ATP13A3: variants seen among roughly 807,000 people sequenced by gnomAD.
The protein encoded by ATP13A3 is polyamine-transporting ATPase 13A3.
ATP13A3 carries 59 observed loss-of-function variants against 158.1 expected under a neutral mutation model. The observed-to-expected ratio is 0.37, with a 90% CI of 0.30 to 0.46. ATP13A3 has a LOEUF of 0.46. Ranked by LOEUF, ATP13A3 falls within the 20% of genes least tolerant of loss-of-function variation. ATP13A3 has a pLI of 1.00. For missense variants in ATP13A3, 1,166 were observed against 1,525.2 expected (o/e 0.76, Z 3.92); for synonymous variants, 491 against 504.3 (o/e 0.97, Z 0.35).
At chr3:194,438,387 A>T (rs1357876582) in intron 17 of ATP13A3, among the ~76,000 whole-genome samples, 2 of 152,240 alleles carry the variant, frequency 1.3e-5, no homozygotes, top group African/African-American at 4.8e-5. Context: ...CTAAAAGTAA[A>T]GCCTTTCATA....
In ATP13A3 at chr3:194,454,849, A is replaced by C. The variant is rs148434683; in HGVS notation, c.631-457T>G. ...AAAAAAAAAAAAAAAAGGTAGGGCAATATGCCATCATACTCTTATTATCAT... is the reference window on the plus strand; with the variant it reads ...AAAAAAAAAAAAAAAAGGTAGGGCACTATGCCATCATACTCTTATTATCAT... On this transcript the variant is annotated intron_variant, in intron 8 of 33. Coordinates refer to ENST00000645319, the MANE Select transcript of ATP13A3 (RefSeq NM_001367549.1). Among the ~76,000 whole-genome samples, 1,145 of 152,168 alleles carry C rather than the reference A, an allele frequency of 7.5e-3. 15 individuals carry two copies. Among genetic ancestry groups the C allele is most frequent in the African/African-American group, 0.026 (1,082 of 41,514 alleles).
intron 31 of ATP13A3, 140 bp downstream of exon 31, chr3:194,419,739 T>G: frequency 7.5e-7 from 1 of 1,333,330 alleles, no homozygotes; most frequent in Non-Finnish European, 9.8e-7. Flanking sequence ...CTATTTTCAT[T>G]AGGTTCTTTA....
At chr3:194,454,152 T>C (rs1162963895) in intron 9 of ATP13A3, 106 bp downstream of exon 9, 1 of 1,133,158 alleles carries the variant, frequency 8.8e-7, no homozygotes, top group African/African-American at 1.6e-5. Flanking sequence ...ACTAAAATAA[T>C]GACTGCATTG....
chr3:194,421,357 T>G (rs1309062787), intron 30 of ATP13A3, among the ~76,000 whole-genome samples: 2 of 147,520 alleles, frequency 1.4e-5, no homozygotes, highest in Non-Finnish European at 1.5e-5. Flanking sequence ...AACGAGACCA[T>G]CCTGGCTAAC....
At chr3:194,490,014 A>G (rs372163074), upstream of ATP13A3, among the ~76,000 whole-genome samples, 51 of 152,272 alleles carry the variant, frequency 3.3e-4, no homozygotes, top group East Asian at 5.4e-3. This position sits in a 1 kb window ranked among gnomAD's most constrained non-coding sequence, Gnocchi z 4.4. Context: ...TGTAAGCACC[A>G]ACCCTGATTG....
intron 13 of ATP13A3, among the ~76,000 whole-genome samples, chr3:194,447,424 C>G (rs547828248): frequency 6.6e-6 from 1 of 152,310 alleles, no homozygotes; most frequent in South Asian, 2.1e-4. Flanking sequence ...GATATTGACT[C>G]AGCGTGCACA....
intron 20 of ATP13A3, among the ~76,000 whole-genome samples, chr3:194,435,653 A>G (rs1717576248): frequency 6.6e-6 from 1 of 152,220 alleles, no homozygotes; most frequent in Non-Finnish European, 1.5e-5. Context: ...TCACGCCTGT[A>G]ATCCCAGTAC....
Position 194,425,451 on chromosome 3 carries a change from T to C in ATP13A3, c.3204A>G (p.Ile1068Met), listed in dbSNP as rs1166408330. 1 of 1,612,840 alleles carries C rather than the reference T, an allele frequency of 6.2e-7. No homozygotes were observed. The change falls in exon 30 of 34, where the codon ATA (isoleucine) becomes ATG (methionine). Residue 1068 changes from isoleucine to methionine, a missense_variant. Physicochemically the swap from Ile to Met is conservative, Grantham distance 10. Around this residue, in one of 3 missense-constraint regions of ATP13A3, gnomAD observed 997 missense variants for 1,341.2 expected, o/e 0.74. Coordinates refer to ENST00000645319, the MANE Select transcript of ATP13A3 (RefSeq NM_001367549.1). ...DNETELDEHN[I>M]QNYENTTVFF... is the part of the protein sequence containing the mutation. The stretch of plus-strand genomic sequence containing the variant: ...ACACTGTGGTATTTTCATAATTTTG[T>C]ATATTATGTTCATCAAGTTCGGTTT...
At chr3:194,418,577 T>G (rs1716061279) in intron 31 of ATP13A3, among the ~76,000 whole-genome samples, 1 of 152,022 alleles carries the variant, frequency 6.6e-6, no homozygotes, top group Admixed American at 6.5e-5. Flanking sequence ...AATGCTCAAC[T>G]CCATTAGTAA....
intron 10 of ATP13A3, chr3:194,451,077 C>G (rs917228363): frequency 2.0e-5 from 3 of 152,146 alleles, no homozygotes; most frequent in African/African-American, 7.2e-5. Flanking sequence ...GCTCAGAAGA[C>G]AGTCACACTA....
In ATP13A3 at chr3:194,424,390, T is replaced by C. The variant is rs554749619; in HGVS notation, c.3313+952A>G. 4 of 152,116 alleles carry C rather than the reference T, an allele frequency of 2.6e-5. No homozygotes were observed. The South Asian group carries it at 8.3e-4, about 32-fold the overall frequency. The allele number at this position is 152,116 out of a possible 1,614,324, so 9.4% of individuals were successfully genotyped here. A position where few individuals can be genotyped will look rare whatever the true frequency, so the allele number is the denominator to read the frequency against. ...AGGAAAAATTACCAGTGAGATCAGATTGTAATCTTACCTGCACAAAATATA... is the reference window on the plus strand; with the variant it reads ...AGGAAAAATTACCAGTGAGATCAGACTGTAATCTTACCTGCACAAAATATA... On this transcript the variant is annotated intron_variant, in intron 30 of 33. Coordinates refer to ENST00000645319, the MANE Select transcript of ATP13A3 (RefSeq NM_001367549.1).
intron 2 of ATP13A3, among the ~76,000 whole-genome samples, chr3:194,462,646 C>T (rs948651498): frequency 2.0e-5 from 3 of 152,196 alleles, no homozygotes; most frequent in East Asian, 1.9e-4. Context: ...TTTATACCAT[C>T]GAAGTGTTCT....
rs1334496985 is a variant in ATP13A3 at position 194,445,405 on chromosome 3, T to C, written c.1498-619A>G. Among the ~76,000 whole-genome samples, 6 of 152,360 alleles carry C rather than the reference T, an allele frequency of 3.9e-5. No homozygotes were observed. In the East Asian group the frequency reaches 1.2e-3, roughly 29 times the overall value. On this transcript the variant is annotated intron_variant, in intron 14 of 33. Transcript: ENST00000645319. ...CTAAAGAATTGCTAATTCTGTTAAA[T>C]GTGATAGTGATATTTTAAATATCCT... is the stretch of plus-strand genomic sequence containing the variant.
chr3:194,484,097 G>A (rs570712281), intron 2 of ATP13A3, among the ~76,000 whole-genome samples: 24 of 152,200 alleles, frequency 1.6e-4, no homozygotes, highest in African/African-American at 5.8e-4. Context: ...CAGAATCTGA[G>A]GTTCAGAGAT....
Position 194,429,794 on chromosome 3 carries a change from G to T in ATP13A3, c.2778-20C>A. 6.3e-7 allele frequency: 1 copy of T among 1,597,114 alleles called. No homozygotes were observed. The highest frequency in any genetic ancestry group is 1.1e-5 in the South Asian group (1 of 89,948). ...CCTTCCCTGTGAAAAGAAATCAAAT[G>T]TCGGCATATGAATAGAAGCATTTTA... is the stretch of plus-strand genomic sequence containing the variant. On this transcript the variant is annotated intron_variant, in intron 26 of 33. Coordinates refer to ENST00000645319, the MANE Select transcript of ATP13A3 (RefSeq NM_001367549.1).
chr3:194,433,496 G>A (rs1717394985), intron 21 of ATP13A3, among the ~76,000 whole-genome samples: 1 of 152,092 alleles, frequency 6.6e-6, no homozygotes, highest in African/African-American at 2.4e-5. Flanking sequence ...ACCCGCCTCG[G>A]CCTCCCAAAG....
At chr3:194,483,140 C>T (rs1720822019) in intron 2 of ATP13A3, among the ~76,000 whole-genome samples, 1 of 151,390 alleles carries the variant, frequency 6.6e-6, no homozygotes, top group African/African-American at 2.4e-5. Flanking sequence ...TTAAATTAGC[C>T]AGACATGATG....
chr3:194,406,207 A>G (rs1714918271), intron 33 of ATP13A3, 91 bp from the exon 34 acceptor site: 2 of 1,271,556 alleles, frequency 1.6e-6, no homozygotes, highest in Non-Finnish European at 2.2e-6. Context: ...ACATTAGCAG[A>G]GAAAAATAAG....
chr3:194,450,483 C>T (rs773759437), intron 10 of ATP13A3: 4 of 516,596 alleles, frequency 7.7e-6, no homozygotes, highest in Non-Finnish European at 1.0e-5. Context: ...CCTGCTAGGA[C>T]ACCAGCTGTG....
Sources: gnomAD v4.1 joint callset for allele counts (sites outside exome capture counted in the v4.1 genomes callset) on GRCh38, gnomAD v4.1.1 for gene constraint, gnomAD v4.1.1 regional missense constraint, Gnocchi (gnomAD v3.1) non-coding constraint, MANE v1.5 for transcripts, NCBI Gene and HGNC (gene_info 2026-07-23, HGNC 2026-07-21) for gene names.